Variants in SLC9A6 observed in about 807,000 individuals in gnomAD.
SLC9A6 encodes sodium/hydrogen exchanger 6.
SLC9A6 carries 6 observed loss-of-function variants against 45.3 expected under a neutral mutation model. The observed-to-expected ratio is 0.13, with a 90% CI of 0.07 to 0.26. SLC9A6 has a LOEUF of 0.26. Ranked by LOEUF, SLC9A6 falls within the 10% of genes least tolerant of loss-of-function variation. The pLI is 1.00. For missense variants in SLC9A6, 278 were observed against 503.7 expected, an observed-to-expected ratio of 0.55 and a Z score of 4.29; for synonymous variants, 191 against 187.7, an observed-to-expected ratio of 1.02 and a Z score of -0.14.
intron 7 of SLC9A6, among the ~76,000 whole-genome samples, chrX:136,006,027 C>G (rs185978189): frequency 4.5e-5 from 5 of 111,688 alleles, no homozygotes; most frequent in African/African-American, 9.8e-5. Context: ...GTTGTGTGCT[C>G]GCTGTGGGAG....
At chrX:136,010,034 T>C (rs1025454779) in intron 7 of SLC9A6, 8 of 144,606 alleles carry the variant, frequency 5.5e-5, no homozygotes, top group Non-Finnish European at 8.1e-5. Flanking sequence ...ATGTTCTTTA[T>C]GTTCTTATGC....
chrX:135,983,870 C>T (rs2089299870), upstream of SLC9A6: 1 of 110,255 alleles, frequency 9.1e-6, no homozygotes, highest in Non-Finnish European at 1.9e-5. Context: ...CTTGCTTCCA[C>T]AAAGCCCAGC....
intron 7 of SLC9A6, among the ~76,000 whole-genome samples, chrX:136,006,461 GTTT>G (rs10712373): frequency 0.066 from 5,214 of 78,780 alleles, 178 homozygotes; most frequent in South Asian, 0.14. Flanking sequence ...CTGAAGCACT[GTTT>G]TTTTTTTTTT....
intron 17 of SLC9A6, among the ~76,000 whole-genome samples, chrX:136,041,947 A>C (rs1603224614): frequency 9.1e-6 from 1 of 110,370 alleles, no homozygotes; most frequent in African/African-American, 3.3e-5. Context: ...ATGTATCTCT[A>C]CTTTCATCTT....
intron 7 of SLC9A6, among the ~76,000 whole-genome samples, chrX:136,005,678 C>CAA (rs368832440): frequency 0.041 from 3,426 of 83,172 alleles, 97 homozygotes; most frequent in South Asian, 0.11. Flanking sequence ...GAGACTGTCT[C>CAA]AAAAAAAAAA....
intron 12 of SLC9A6, 116 bp downstream of exon 12, chrX:136,022,813 T>C (rs2071151464): frequency 8.1e-6 from 3 of 370,310 alleles, no homozygotes; most frequent in Admixed American, 3.5e-5. Flanking sequence ...TATTTTTATA[T>C]TATTTATTTA....
intron 12 of SLC9A6, among the ~76,000 whole-genome samples, chrX:136,023,438 C>G (rs1556620183): frequency 9.4e-6 from 1 of 106,688 alleles, no homozygotes; most frequent in African/African-American, 3.4e-5. Flanking sequence ...AACTGTGATA[C>G]ATCCATGCTA....
chrX:135,999,228 A>G (rs1556617078), intron 6 of SLC9A6, among the ~76,000 whole-genome samples: 2 of 109,686 alleles, frequency 1.8e-5, no homozygotes, highest in South Asian at 7.8e-4. Flanking sequence ...AACAAGGACT[A>G]TAAGGTACTT....
At chrX:136,042,748 CT>C (rs1279218853) in intron 17 of SLC9A6, among the ~76,000 whole-genome samples, 1 of 108,547 alleles carries the variant, frequency 9.2e-6, no homozygotes, top group Admixed American at 9.9e-5. Context: ...CCATTACTTG[CT>C]TTTTTTTTCA....
chrX:136,005,621 C>T (rs1407846461), intron 7 of SLC9A6, among the ~76,000 whole-genome samples: 4 of 104,012 alleles, frequency 3.8e-5, no homozygotes, highest in African/African-American at 7.1e-5. Context: ...GCGGAAGTTG[C>T]GGTGACCTGA....
At position 136,013,515 on chromosome X, in the gene SLC9A6, A is replaced by AG; in HGVS notation, c.1080+78_1080+79insG. The AG allele has an allele frequency of 8.3e-6, 6 of 721,861 alleles. No homozygotes were observed. The East Asian group carries it at 2.0e-4, about 25-fold the overall frequency. The allele number at this position is 721,861 out of a possible 1,213,427, so 59.5% of individuals were successfully genotyped here. A position where few individuals can be genotyped will look rare whatever the true frequency, so the allele number is the denominator to read the frequency against. On this transcript the variant is annotated intron_variant, in intron 10 of 17. Coordinates refer to ENST00000630721, the MANE Select transcript of SLC9A6 (RefSeq NM_001379110.1). The stretch of plus-strand genomic sequence containing the variant: ...AGAAGTCTTTTTTACTAAAAAAAAA[A>AG]AATAGTCTTTGATCTGTTCAAGATG...
intron 11 of SLC9A6, among the ~76,000 whole-genome samples, chrX:136,021,637 G>A (rs1254468490): frequency 1.8e-5 from 2 of 111,766 alleles, no homozygotes; most frequent in African/African-American, 6.5e-5. Flanking sequence ...AGCAATTCTC[G>A]TGCCTCAGCC....
chrX:136,044,296 G>A (rs1370520884), intron 17 of SLC9A6, among the ~76,000 whole-genome samples, 156 bp from the exon 18 acceptor site: 1 of 111,194 alleles, frequency 9.0e-6, no homozygotes. Flanking sequence ...GCCAAGTCAC[G>A]CTGTATTTTA....
intron 7 of SLC9A6, among the ~76,000 whole-genome samples, chrX:136,008,135 G>A (rs1218764238): frequency 8.9e-6 from 1 of 112,141 alleles, no homozygotes. Flanking sequence ...AATAGTAGAA[G>A]CAACTTTCAA....
chrX:136,045,268 C>T lies in SLC9A6; in HGVS notation c.*544C>T. On this transcript the variant is annotated 3_prime_UTR_variant, in exon 18 of 18. Coordinates refer to ENST00000630721, the MANE Select transcript of SLC9A6 (RefSeq NM_001379110.1). The stretch of plus-strand genomic sequence containing the variant: ...GAGCTGATGGCATTTGATCTTGCCC[C>T]ATTCAGGTTGGGGAGTGAAGTGTGA... 1 of 116,952 alleles carries T rather than the reference C, an allele frequency of 8.6e-6. No individual in the cohort carries two copies. Among genetic ancestry groups the T allele is most frequent in the East Asian group, 2.7e-4 (1 of 3,766 alleles). The allele number at this position is 116,952 out of a possible 1,213,427, so 9.6% of individuals were successfully genotyped here. A position where few individuals can be genotyped will look rare whatever the true frequency, so the allele number is the denominator to read the frequency against.
At chrX:136,024,227 TC>T (rs1435587642) in intron 12 of SLC9A6, 102 bp from the exon 13 acceptor site, 1 of 829,747 alleles carries the variant, frequency 1.2e-6, no homozygotes, top group Non-Finnish European at 1.8e-6. Flanking sequence ...GCATATTTGT[TC>T]ACATGCTTCT....
intron 13 of SLC9A6, among the ~76,000 whole-genome samples, chrX:136,026,328 G>C (rs782319064): frequency 1.5e-4 from 17 of 111,515 alleles, no homozygotes; most frequent in African/African-American, 4.2e-4. Context: ...GTGATCTTTG[G>C]CAAGTTCTTT....
Position 136,044,517 on chromosome X carries a change from A to T in SLC9A6, c.1833A>T (p.Thr611=), listed in dbSNP as rs782629258. Residue 611 remains threonine (T), a synonymous_variant, in exon 18 of 18, where the codon ACA becomes ACT. Coordinates refer to ENST00000630721, the MANE Select transcript of SLC9A6 (RefSeq NM_001379110.1). ...LILNDGDISL[T]YGDSTVNTEP... ...TCAATGATGGTGACATCAGTTTGACATATGGAGATTCTACTGTGAACACTG... is the reference window on the plus strand; with the variant it reads ...TCAATGATGGTGACATCAGTTTGACTTATGGAGATTCTACTGTGAACACTG... 14 of 1,203,677 alleles carry T rather than the reference A, an allele frequency of 1.2e-5. No homozygotes were observed. Among genetic ancestry groups the T allele is most frequent in the Middle Eastern group, 4.6e-4 (2 of 4,354 alleles).
intron 16 of SLC9A6, among the ~76,000 whole-genome samples, chrX:136,039,510 T>C (rs781933217): frequency 3.6e-5 from 4 of 111,694 alleles, no homozygotes; most frequent in Non-Finnish European, 7.5e-5. Context: ...TCTTGAGATT[T>C]GACTTGCCTT....
Sources: allele counts gnomAD v4.1 joint callset (sites outside exome capture counted in the v4.1 genomes callset), GRCh38; gene constraint gnomAD v4.1.1; transcripts MANE v1.5; gene names NCBI Gene and HGNC (gene_info 2026-07-23, HGNC 2026-07-21).